The following TLN2 variants were observed in gnomAD, a reference collection of about 807,000 sequenced individuals.
TLN2 encodes the protein talin-2.
Under a neutral mutation model 294.7 loss-of-function variants are expected in TLN2, and 118 were observed. That is an observed-to-expected ratio of 0.40 (90% confidence interval 0.34 to 0.47). The LOEUF (loss-of-function observed/expected upper bound fraction) is 0.47, where lower values mean the gene tolerates loss of function less well. Ranked by LOEUF, TLN2 falls within the 20% of genes least tolerant of loss-of-function variation. TLN2 has a pLI of 0.84. For missense variants in TLN2, 3,083 were observed against 3,282.2 expected (o/e 0.94, Z 1.48); for synonymous variants, 1,431 against 1,304.5 (o/e 1.10, Z -2.09).
chr15:62,840,757 T>C lies in TLN2; in HGVS notation c.*147T>C. The C allele has an allele frequency of 8.7e-7, 1 of 1,144,982 alleles. No homozygotes were observed. Among genetic ancestry groups the C allele is most frequent in the Non-Finnish European group, 1.2e-6 (1 of 831,114 alleles). 70.9% of individuals were successfully genotyped at this position (1,144,982 alleles called of 1,614,324 possible). ...CCCTGCGTGCTTGTTCTCACATCTC[T>C]GTCCCGTCGGCACTGGCTGCATGAT... On this transcript the variant is annotated 3_prime_UTR_variant, in exon 59 of 59. Coordinates refer to ENST00000636159, the MANE Select transcript of TLN2 (RefSeq NM_015059.3).
intron 4 of TLN2, among the ~76,000 whole-genome samples, chr15:62,649,009 G>A (rs887254929): frequency 3.3e-5 from 5 of 151,832 alleles, no homozygotes; most frequent in East Asian, 3.9e-4. Context: ...CACCACACCC[G>A]GCTAATTTTT....
At chr15:62,754,865 G>T (rs1352515368) in intron 36 of TLN2, 2 of 152,210 alleles carry the variant, frequency 1.3e-5, no homozygotes, top group Non-Finnish European at 2.9e-5. Context: ...GGTGCCAGCA[G>T]CCCTCCATGG....
chr15:62,636,362 T>C (rs1280536667), intron 3 of TLN2, among the ~76,000 whole-genome samples: 1 of 152,102 alleles, frequency 6.6e-6, no homozygotes, highest in Non-Finnish European at 1.5e-5. Context: ...TGAGGAGCCT[T>C]TGGAAAATCC....
intron 54 of TLN2, chr15:62,828,926 T>C (rs959353433): frequency 1.3e-5 from 2 of 152,094 alleles, no homozygotes; most frequent in Non-Finnish European, 2.9e-5. Flanking sequence ...TAAATGGTGT[T>C]TGTTTTCCTG....
chr15:62,505,689 T>G (rs966813702), intron 1 of TLN2, among the ~76,000 whole-genome samples: 7 of 152,200 alleles, frequency 4.6e-5, no homozygotes, highest in African/African-American at 1.7e-4. Flanking sequence ...CCCTCTTCCC[T>G]GTGCTTGGTT....
intron 1 of TLN2, among the ~76,000 whole-genome samples, chr15:62,484,586 C>A (rs1046553267): frequency 3.2e-4 from 48 of 152,158 alleles, no homozygotes; most frequent in African/African-American, 1.2e-3. Context: ...CCACCACGCC[C>A]GGCTAATTTT....
chr15:62,500,838 A>G (rs539561522), intron 1 of TLN2, among the ~76,000 whole-genome samples: 1 of 152,330 alleles, frequency 6.6e-6, no homozygotes, highest in East Asian at 1.9e-4. Flanking sequence ...GCAGTTAAAG[A>G]CGCAGAAGAA....
intron 1 of TLN2, among the ~76,000 whole-genome samples, chr15:62,473,346 CTTTTTT>C (rs534278190): frequency 6.9e-6 from 1 of 144,148 alleles, no homozygotes; most frequent in African/African-American, 2.5e-5. Flanking sequence ...ACAAAACTGT[CTTTTTT>C]TTTTTTTAAG....
At chr15:62,574,548 C>G (rs1453014293) in intron 1 of TLN2, among the ~76,000 whole-genome samples, 1 of 121,630 alleles carries the variant, frequency 8.2e-6, no homozygotes, top group Non-Finnish European at 1.6e-5. Context: ...CCACTGAACT[C>G]CAGCCTGGGC....
chr15:62,565,449 A>G (rs2043317241), intron 1 of TLN2, among the ~76,000 whole-genome samples: 1 of 152,194 alleles, frequency 6.6e-6, no homozygotes. Flanking sequence ...AGAGGGATTT[A>G]GGGGATCTGT....
In TLN2 at chr15:62,445,421, T is replaced by G. The variant is rs992982847; in HGVS notation, c.-238+54736T>G. Among the ~76,000 whole-genome samples, 5 of 152,306 alleles carry G rather than the reference T, an allele frequency of 3.3e-5. No individual in the cohort carries two copies. The South Asian group carries it at 8.3e-4, about 25-fold the overall frequency. ...AGGAATAAGAGGTATCACAGTGTCA[T>G]CATTGGAACTCTTTAGAAACAAACA... On this transcript the variant is annotated intron_variant, in intron 1 of 58. Transcript: ENST00000636159.
intron 29 of TLN2, 117 bp from the exon 30 acceptor site, chr15:62,738,097 G>T: frequency 8.6e-7 from 1 of 1,163,606 alleles, no homozygotes. Flanking sequence ...AGTGGCAGGT[G>T]GATGCTGGTG....
At chr15:62,561,903 T>A (rs2042995667) in intron 1 of TLN2, among the ~76,000 whole-genome samples, 1 of 152,156 alleles carries the variant, frequency 6.6e-6, no homozygotes, top group Non-Finnish European at 1.5e-5. Flanking sequence ...TCACGAAAGC[T>A]CCCTGTCCTT....
chr15:62,607,305 G>C (rs1394219092), intron 2 of TLN2, among the ~76,000 whole-genome samples: 2 of 152,114 alleles, frequency 1.3e-5, no homozygotes, highest in Non-Finnish European at 2.9e-5. Context: ...AGGCCTCTCT[G>C]AGGCTTGAAA....
intron 1 of TLN2, among the ~76,000 whole-genome samples, chr15:62,481,657 A>G (rs1189833842): frequency 6.6e-6 from 1 of 152,130 alleles, no homozygotes; most frequent in African/African-American, 2.4e-5. Context: ...CTCTACACCC[A>G]GCCAAGAAAG....
At chr15:62,775,945 G>A (rs987628723) in intron 42 of TLN2, among the ~76,000 whole-genome samples, 4 of 152,198 alleles carry the variant, frequency 2.6e-5, no homozygotes, top group African/African-American at 9.6e-5. Flanking sequence ...TGTTGTTATA[G>A]TTTTCCCCAT....
chr15:62,658,678 T>C (rs1184926974), intron 9 of TLN2, among the ~76,000 whole-genome samples: 2 of 152,200 alleles, frequency 1.3e-5, no homozygotes, highest in Non-Finnish European at 2.9e-5. Context: ...TGAGTCATAC[T>C]GCCGGGTGTT....
At chr15:62,649,748 G>C (rs1051740885) in intron 4 of TLN2, among the ~76,000 whole-genome samples, 4 of 152,104 alleles carry the variant, frequency 2.6e-5, no homozygotes, top group African/African-American at 9.7e-5. Flanking sequence ...TGGGATGTTG[G>C]TCTGGTTTTT....
intron 30 of TLN2, 47 bp downstream of exon 30, chr15:62,738,380 C>T (rs762173446): frequency 4.4e-6 from 7 of 1,596,826 alleles, no homozygotes; most frequent in South Asian, 3.4e-5. Context: ...ACTAGGCTCG[C>T]GTTAGGTGTG....
Sources: allele counts gnomAD v4.1 joint callset (sites outside exome capture counted in the v4.1 genomes callset), GRCh38; gene constraint gnomAD v4.1.1; transcripts MANE v1.5; gene names NCBI Gene and HGNC (gene_info 2026-07-23, HGNC 2026-07-21).